The following MARK3 variants were observed in gnomAD, a reference collection of about 807,000 sequenced individuals.
MARK3 encodes the protein microtubule affinity regulating kinase 3, also known as MAP/microtubule affinity-regulating kinase 3.
In MARK3, 46 loss-of-function variants were observed where a neutral mutation model predicts 90.1. The observed-to-expected ratio is 0.51, with a 90% confidence interval of 0.40 to 0.65. MARK3 has a LOEUF of 0.65. Among genes scored for constraint, MARK3 ranks in the 30% least tolerant of loss-of-function variants. The probability of loss-of-function intolerance (pLI) is 0.00; values close to 1 mark genes in which losing one functional copy is unlikely to be tolerated. For synonymous variants in MARK3, 321 were observed against 332.6 expected (o/e 0.97, Z 0.38); for missense variants, 818 against 947.2 (o/e 0.86, Z 1.79).
intron 1 of MARK3, among the ~76,000 whole-genome samples, chr14:103,390,729 G>A (rs2090181563): frequency 6.6e-6 from 1 of 152,180 alleles, no homozygotes. Context: ...TTGATTTTGA[G>A]ACAGTATCTC....
intron 1 of MARK3, among the ~76,000 whole-genome samples, chr14:103,391,590 T>C (rs1237381335): frequency 6.6e-6 from 1 of 151,622 alleles, no homozygotes; most frequent in Non-Finnish European, 1.5e-5. Flanking sequence ...GTCGCCCAGG[T>C]TGGAGTGCAG....
intron 15 of MARK3, 37 bp downstream of exon 15, chr14:103,492,071 A>G (rs1237996140): frequency 1.3e-6 from 2 of 1,598,500 alleles, no homozygotes; most frequent in East Asian, 2.2e-5. Context: ...GAGTGAACAC[A>G]TAGAGCAAAA....
intron 13 of MARK3, among the ~76,000 whole-genome samples, chr14:103,479,786 A>G (rs923794210): frequency 1.3e-5 from 2 of 151,844 alleles, no homozygotes; most frequent in Non-Finnish European, 2.9e-5. Context: ...GATTACAGGC[A>G]TGCACCACCA....
At chr14:103,413,274 C>T (rs1490985334) in intron 2 of MARK3, among the ~76,000 whole-genome samples, 1 of 152,058 alleles carries the variant, frequency 6.6e-6, no homozygotes, top group East Asian at 1.9e-4. Context: ...TTGTTAAATT[C>T]ATTTCAAGCT....
chr14:103,394,515 C>G (rs1428084990), intron 1 of MARK3, among the ~76,000 whole-genome samples: 1 of 152,186 alleles, frequency 6.6e-6, no homozygotes, highest in Non-Finnish European at 1.5e-5. Flanking sequence ...AGCTGCTCAA[C>G]TATGGTTGGT....
chr14:103,400,928 G>T (rs1406612160), intron 1 of MARK3, among the ~76,000 whole-genome samples: 6 of 127,930 alleles, frequency 4.7e-5, no homozygotes, highest in East Asian at 2.5e-4. Context: ...AGTTATCAAA[G>T]AATTATATAA....
At chr14:103,444,157 A>G (rs2092933983) in intron 3 of MARK3, among the ~76,000 whole-genome samples, 2 of 143,734 alleles carry the variant, frequency 1.4e-5, no homozygotes, top group Admixed American at 7.1e-5. Flanking sequence ...CAAAAGGTAA[A>G]ATTTTATTTT....
chr14:103,405,296 A>G, intron 2 of MARK3, 29 bp downstream of exon 2: 1 of 1,442,376 alleles, frequency 6.9e-7, no homozygotes, highest in Non-Finnish European at 9.3e-7. Context: ...TATTTCTGTT[A>G]TGACAGTTGC....
chr14:103,454,873 A>G (rs1390820414), intron 5 of MARK3, among the ~76,000 whole-genome samples: 1 of 152,230 alleles, frequency 6.6e-6, no homozygotes, highest in East Asian at 1.9e-4. Context: ...CTGGCCTGTC[A>G]GTGTCCTTCC....
rs373604963 is a variant in MARK3 at position 103,462,443 on chromosome 14, C to T, written c.522C>T (p.Ile174=). 19 of 1,604,262 alleles carry T rather than the reference C, an allele frequency of 1.2e-5. No homozygotes were observed. The highest frequency in any genetic ancestry group is 1.5e-5 in the Non-Finnish European group (18 of 1,172,020). ...SAVQYCHQKR[I]VHRDLKAENL... ...TTCAATACTGCCATCAGAAACGGAT[C>T]GTACATCGAGACCTCAAGGTGAGTA... Residue 174 remains isoleucine (I), a synonymous_variant, in exon 7 of 18, where the codon ATC becomes ATT. Transcript: ENST00000429436.
intron 4 of MARK3, 119 bp from the exon 5 acceptor site, chr14:103,451,799 C>T: frequency 4.7e-6 from 3 of 631,604 alleles, no homozygotes; most frequent in Non-Finnish European, 8.2e-6. Context: ...TTTAGAGGGC[C>T]AGCTATTAAA....
chr14:103,412,141 C>T (rs2091678542), intron 2 of MARK3: 2 of 1,344,150 alleles, frequency 1.5e-6, no homozygotes, highest in Admixed American at 4.7e-5. Flanking sequence ...CTGGGGCTTG[C>T]CCGTGGTGCT....
intron 12 of MARK3, among the ~76,000 whole-genome samples, chr14:103,470,705 C>T (rs1011925980): frequency 1.3e-5 from 2 of 151,938 alleles, no homozygotes; most frequent in African/African-American, 2.4e-5. Flanking sequence ...GATCCATCCA[C>T]CTCAGCCTCC....
chr14:103,480,183 G>A (rs1654550037), intron 13 of MARK3, among the ~76,000 whole-genome samples: 1 of 152,160 alleles, frequency 6.6e-6, no homozygotes, highest in Admixed American at 6.5e-5. Flanking sequence ...CTACTTGGGA[G>A]GCTGTGGTGG....
At chr14:103,419,290 C>CATAA (rs547909635) in intron 2 of MARK3, among the ~76,000 whole-genome samples, 379 of 151,994 alleles carry the variant, frequency 2.5e-3, no homozygotes, top group African/African-American at 4.9e-3. Flanking sequence ...GACCCCGTCT[C>CATAA]ATAAATAAAT....
intron 2 of MARK3, among the ~76,000 whole-genome samples, chr14:103,414,496 C>T: frequency 7.3e-6 from 1 of 137,562 alleles, no homozygotes; most frequent in Non-Finnish European, 1.7e-5. Flanking sequence ...TGAGCCACCA[C>T]ACCCAGCTAC....
chr14:103,472,571 T>C (rs2145858), intron 12 of MARK3, among the ~76,000 whole-genome samples: 144,227 of 148,630 alleles, frequency 0.97, 70,121 homozygotes, highest in Non-Finnish European at 1. Context: ...GGCGTGAACC[T>C]GGGAGGTGGA....
chr14:103,399,954 A>G (rs1383833857), intron 1 of MARK3, among the ~76,000 whole-genome samples: 2 of 139,176 alleles, frequency 1.4e-5, no homozygotes, highest in Admixed American at 7.2e-5. Context: ...TTTTTTTGAG[A>G]TGAAGTTTCT....
chr14:103,475,556 G>T lies in MARK3; in HGVS notation c.1482+346G>T, dbSNP rs924286474. 1.2e-4 allele frequency among the ~76,000 whole-genome samples: 18 copies of T among 152,214 alleles called. 1 individual carries two copies. Among genetic ancestry groups the T allele is most frequent in the South Asian group, 2.1e-4 (1 of 4,830 alleles). On this transcript the variant is annotated intron_variant, in intron 13 of 17. Transcript: ENST00000429436. ...CCCTGTTCTCTGCTTCCAACATGAT[G>T]CCTTGGTGCTGGCATCCTCCAGAGG...
Sources: allele counts gnomAD v4.1 joint callset (sites outside exome capture counted in the v4.1 genomes callset), GRCh38; gene constraint gnomAD v4.1.1; transcripts MANE v1.5; gene names NCBI Gene and HGNC (gene_info 2026-07-23, HGNC 2026-07-21).